Variants in RORA observed in about 807,000 individuals in gnomAD.
RORA encodes nuclear receptor ROR-alpha.
RORA carries 7 observed loss-of-function variants against 69.5 expected under a neutral mutation model. That is an observed-to-expected ratio of 0.10 (90% confidence interval 0.06 to 0.19). The LOEUF (loss-of-function observed/expected upper bound fraction) is 0.19, where lower values mean the gene tolerates loss of function less well. RORA is among the 10% of genes least tolerant of loss of function. The pLI is 1.00. For missense variants in RORA, 457 were observed against 663.0 expected, an observed-to-expected ratio of 0.69 and a Z score of 3.41; for synonymous variants, 261 against 240.8, an observed-to-expected ratio of 1.08 and a Z score of -0.78.
At chr15:60,742,683 T>C (rs943505629) in intron 1 of RORA, among the ~76,000 whole-genome samples, 1 of 152,196 alleles carries the variant, frequency 6.6e-6, no homozygotes, top group African/African-American at 2.4e-5. Flanking sequence ...TTTGCTTCTA[T>C]GAGTTTGACT....
intron 5 of RORA, among the ~76,000 whole-genome samples, chr15:60,508,871 T>G (rs535381224): frequency 4.1e-4 from 62 of 152,362 alleles, no homozygotes; most frequent in Non-Finnish European, 6.9e-4. Context: ...CTAGGTCGTT[T>G]ATCTGGAATG....
At chr15:60,799,573 T>C (rs371461786) in intron 1 of RORA, among the ~76,000 whole-genome samples, 43 of 152,270 alleles carry the variant, frequency 2.8e-4, no homozygotes, top group Admixed American at 1.6e-3. Context: ...ATAAACTGCA[T>C]TGGTCCAAAA....
At chr15:61,006,887 T>C (rs1429373027) in intron 1 of RORA, among the ~76,000 whole-genome samples, 2 of 152,172 alleles carry the variant, frequency 1.3e-5, no homozygotes, top group Admixed American at 1.3e-4. Context: ...ATGTATCCTC[T>C]TGAAGTGTCA....
intron 2 of RORA, among the ~76,000 whole-genome samples, chr15:60,549,218 A>G (rs769323712): frequency 3.9e-5 from 6 of 152,154 alleles, no homozygotes; most frequent in Non-Finnish European, 8.8e-5. Context: ...AAATAACCCC[A>G]CAGTTTCCAT....
At chr15:61,161,372 G>C (rs1485491845) in intron 1 of RORA, among the ~76,000 whole-genome samples, 1 of 152,198 alleles carries the variant, frequency 6.6e-6, no homozygotes, top group Admixed American at 6.5e-5. Flanking sequence ...TTTTGGATTT[G>C]AGAGACCTGG....
intron 1 of RORA, among the ~76,000 whole-genome samples, chr15:60,830,487 T>C (rs888193338): frequency 3.3e-5 from 5 of 152,238 alleles, no homozygotes; most frequent in African/African-American, 1.2e-4. Flanking sequence ...CTGCATAATA[T>C]TATATTATAG....
intron 2 of RORA, among the ~76,000 whole-genome samples, chr15:60,539,037 A>G (rs536466934): frequency 3.3e-4 from 47 of 143,272 alleles, no homozygotes; most frequent in African/African-American, 1.1e-3. Flanking sequence ...TCCTCAAACC[A>G]TCAAGAGATC....
chr15:60,738,280 G>A (rs1317951886), intron 1 of RORA, among the ~76,000 whole-genome samples: 1 of 152,246 alleles, frequency 6.6e-6, no homozygotes, highest in Non-Finnish European at 1.5e-5. Context: ...CAATATGCCA[G>A]AGGTAAGAAG....
intron 1 of RORA, among the ~76,000 whole-genome samples, chr15:60,981,695 G>A (rs957739457): frequency 6.6e-6 from 1 of 152,024 alleles, no homozygotes; most frequent in African/African-American, 2.4e-5. Flanking sequence ...TATTTGGTGA[G>A]GTATTGCTCT....
chr15:60,828,357 G>C (rs960951329), intron 1 of RORA, among the ~76,000 whole-genome samples: 3 of 152,198 alleles, frequency 2.0e-5, no homozygotes, highest in Non-Finnish European at 2.9e-5. Context: ...GAAAGTCTTG[G>C]GTTGGGCCCA....
intron 2 of RORA, among the ~76,000 whole-genome samples, chr15:60,648,693 T>A (rs2070094921): frequency 6.6e-6 from 1 of 152,242 alleles, no homozygotes; most frequent in Non-Finnish European, 1.5e-5. Flanking sequence ...ATGACTAATA[T>A]ACCTCACGGA....
intron 1 of RORA, among the ~76,000 whole-genome samples, chr15:61,167,140 C>A (rs1487086178): frequency 6.6e-6 from 1 of 152,202 alleles, no homozygotes. Context: ...GCCCTGGAAT[C>A]AGCTGAAACG....
At chr15:60,645,798 T>A (rs1467855397) in intron 2 of RORA, among the ~76,000 whole-genome samples, 1 of 45,034 alleles carries the variant, frequency 2.2e-5, no homozygotes, top group Non-Finnish European at 4.0e-5. Flanking sequence ...TGAAATAGGG[T>A]TTTTTTTTTT....
intron 1 of RORA, among the ~76,000 whole-genome samples, chr15:61,192,966 A>C (rs1418546092): frequency 2.0e-5 from 3 of 152,146 alleles, no homozygotes; most frequent in Non-Finnish European, 4.4e-5. Context: ...TATTCCTATT[A>C]TCTTATAACT....
In RORA at chr15:61,147,764, C is replaced by CGTGTGTGTGTGTGT. The variant is rs1435246094; in HGVS notation, c.166+81288_166+81289insACACACACACACAC. ...GATGGTCAGTAGGCACGTGCGCACA[C>CGTGTGTGTGTGTGT]GCGTGTGTGTGTGTGTGTGTGTGTG... On this transcript the variant is annotated intron_variant, in intron 1 of 10. Coordinates refer to ENST00000335670, the MANE Select transcript of RORA (RefSeq NM_134261.3). The surrounding 1 kb of genome is among the most constrained non-coding windows in gnomAD (Gnocchi z 4.1). Among the ~76,000 whole-genome samples, 4 of 33,648 alleles carry CGTGTGTGTGTGTGT rather than the reference C, an allele frequency of 1.2e-4. No individual in the cohort carries two copies. Among genetic ancestry groups the CGTGTGTGTGTGTGT allele is most frequent in the Non-Finnish European group, 3.2e-4 (3 of 9,454 alleles). The allele number at this position is 33,648 out of a possible 152,430, so 22.1% of individuals were successfully genotyped here. A position where few individuals can be genotyped will look rare whatever the true frequency, so the allele number is the denominator to read the frequency against.
chr15:60,972,057 G>A (rs928450245), intron 1 of RORA, among the ~76,000 whole-genome samples: 1 of 152,206 alleles, frequency 6.6e-6, no homozygotes, highest in Admixed American at 6.5e-5. Context: ...TTCATCTGTT[G>A]TACAGATTAG....
chr15:60,881,907 T>A (rs750264670), intron 1 of RORA, among the ~76,000 whole-genome samples: 4 of 152,246 alleles, frequency 2.6e-5, no homozygotes, highest in African/African-American at 4.8e-5. Flanking sequence ...CATTCAATAA[T>A]TCATCACCTT....
intron 1 of RORA, among the ~76,000 whole-genome samples, chr15:60,850,254 C>A (rs2073310155): frequency 6.6e-6 from 1 of 152,174 alleles, no homozygotes; most frequent in African/African-American, 2.4e-5. Flanking sequence ...AGCAAGGGAA[C>A]TTAGAACAAC....
At chr15:60,840,136 C>A (rs960067411) in intron 1 of RORA, among the ~76,000 whole-genome samples, 2 of 152,114 alleles carry the variant, frequency 1.3e-5, no homozygotes, top group Non-Finnish European at 2.9e-5. Flanking sequence ...GGGTCTGCAG[C>A]AGCAATTAGA....
Sources: allele counts gnomAD v4.1 joint callset (sites outside exome capture counted in the v4.1 genomes callset), GRCh38; gene constraint gnomAD v4.1.1; non-coding constraint Gnocchi (gnomAD v3.1); transcripts MANE v1.5; gene names NCBI Gene and HGNC (gene_info 2026-07-23, HGNC 2026-07-21).